EGFR: variants seen among roughly 807,000 people sequenced by gnomAD.
The protein encoded by EGFR is avian erythroblastic leukemia viral (v-erb-b) oncogene homolog.
Under a neutral mutation model 143.0 loss-of-function variants are expected in EGFR, and 58 were observed. The observed-to-expected ratio is 0.41, with a 90% CI of 0.33 to 0.50. EGFR has a LOEUF of 0.50. EGFR is among the 20% of genes least tolerant of loss of function. The pLI, the probability that EGFR is intolerant of heterozygous loss-of-function variation, is 0.39. For missense variants in EGFR, 1,307 were observed against 1,579.0 expected (o/e 0.83, Z 2.92); for synonymous variants, 613 against 594.4 (o/e 1.03, Z -0.45).
At chr7:55,022,823 C>T (rs970685938) in intron 1 of EGFR, among the ~76,000 whole-genome samples, 3 of 152,176 alleles carry the variant, frequency 2.0e-5, no homozygotes, top group Non-Finnish European at 4.4e-5. Flanking sequence ...TTGAAGACAC[C>T]GATTGCCGAA....
At chr7:55,202,843 G>C (rs1429149513) in intron 27 of EGFR, 7 of 684,866 alleles carry the variant, frequency 1.0e-5, no homozygotes, top group Admixed American at 8.4e-5. Context: ...CTGTACCTCT[G>C]TTGTAAGAAT....
At chr7:55,162,072 A>G (rs1170099077) in intron 13 of EGFR, among the ~76,000 whole-genome samples, 3 of 152,236 alleles carry the variant, frequency 2.0e-5, no homozygotes, top group African/African-American at 7.2e-5. Context: ...TGCCCCCAGC[A>G]TGTGTTGAAC....
At chr7:55,051,590 T>A (rs1288218627) in intron 1 of EGFR, among the ~76,000 whole-genome samples, 2 of 152,168 alleles carry the variant, frequency 1.3e-5, no homozygotes, top group African/African-American at 2.4e-5. Context: ...CCAGACAAAT[T>A]TCTTTTCTTT....
rs1788196503 is a variant in EGFR at position 55,209,814 on chromosome 7, ACT to A, written c.*4199_*4200del. 1 of 152,108 alleles carries A rather than the reference ACT, an allele frequency of 6.6e-6. No homozygotes were observed. The highest frequency in any genetic ancestry group is 1.5e-5 in the Non-Finnish European group (1 of 68,020). 9.4% of individuals were successfully genotyped at this position (152,108 alleles called of 1,614,324 possible). A position where few individuals can be genotyped will look rare whatever the true frequency, so the allele number is the denominator to read the frequency against. On this transcript the variant is annotated 3_prime_UTR_variant, in exon 28 of 28. Transcript: ENST00000275493. ...AACTTTGTACAATATATTTTTAGAA[ACT>A]CATTTTTCTACTAAAACAAACACAG...
At chr7:55,122,002 A>T (rs1180213157) in intron 1 of EGFR, among the ~76,000 whole-genome samples, 1 of 152,210 alleles carries the variant, frequency 6.6e-6, no homozygotes, top group Non-Finnish European at 1.5e-5. Context: ...CTATCCAAAA[A>T]GACTTGGAGG....
intron 1 of EGFR, among the ~76,000 whole-genome samples, chr7:55,135,327 G>A (rs559109971): frequency 2.3e-4 from 35 of 151,796 alleles, no homozygotes; most frequent in Non-Finnish European, 4.0e-4. Context: ...TGGGCATGCC[G>A]CAGCTTGGCA....
At chr7:55,074,070 A>G (rs1282455240) in intron 1 of EGFR, among the ~76,000 whole-genome samples, 1 of 152,224 alleles carries the variant, frequency 6.6e-6, no homozygotes, top group African/African-American at 2.4e-5. Flanking sequence ...GGCGGTCTCA[A>G]CGGCTCATTC....
chr7:55,142,246 T>A, intron 1 of EGFR, 40 bp from the exon 2 acceptor site: 1 of 1,613,530 alleles, frequency 6.2e-7, no homozygotes, highest in Non-Finnish European at 8.5e-7. Flanking sequence ...TTTTTCTGCA[T>A]TTCTCAGTAT....
At chr7:55,089,852 A>T (rs1160461429) in intron 1 of EGFR, among the ~76,000 whole-genome samples, 1 of 152,214 alleles carries the variant, frequency 6.6e-6, no homozygotes, top group Non-Finnish European at 1.5e-5. Context: ...CTAACCAGCT[A>T]TGCAGGATGC....
intron 1 of EGFR, among the ~76,000 whole-genome samples, chr7:55,034,061 G>A (rs1300046831): frequency 2.0e-5 from 3 of 152,100 alleles, no homozygotes; most frequent in Non-Finnish European, 4.4e-5. Context: ...CACTTTCCAA[G>A]GGTCCAGCTG....
chr7:55,113,206 C>T (rs1792620951), intron 1 of EGFR, among the ~76,000 whole-genome samples: 1 of 152,202 alleles, frequency 6.6e-6, no homozygotes, highest in Non-Finnish European at 1.5e-5. Flanking sequence ...TGAATGAAAA[C>T]AACTCCCTTC....
At chr7:55,191,593 G>T in intron 20 of EGFR, 126 bp from the exon 21 acceptor site, 2 of 1,260,672 alleles carry the variant, frequency 1.6e-6, no homozygotes, top group Non-Finnish European at 2.3e-6. Context: ...AGTCACTAAC[G>T]TTCGCCAGCC....
chr7:55,131,939 G>GAA (rs1272464184), intron 1 of EGFR, among the ~76,000 whole-genome samples: 16 of 99,792 alleles, frequency 1.6e-4, no homozygotes, highest in Admixed American at 3.3e-4. Context: ...TTTGCTTTCA[G>GAA]AAAAAAAAAA....
intron 15 of EGFR, among the ~76,000 whole-genome samples, chr7:55,169,091 G>A (rs1456704006): frequency 6.6e-6 from 1 of 151,726 alleles, no homozygotes; most frequent in Non-Finnish European, 1.5e-5. Context: ...AACCCTGGAG[G>A]AATAGCTATT....
At chr7:55,133,166 C>T (rs1793951220) in intron 1 of EGFR, among the ~76,000 whole-genome samples, 1 of 152,216 alleles carries the variant, frequency 6.6e-6, no homozygotes, top group Non-Finnish European at 1.5e-5. Context: ...CCCGGCAGCC[C>T]TGCCTGTCTT....
intron 22 of EGFR, among the ~76,000 whole-genome samples, chr7:55,194,860 A>G (rs1787553508): frequency 6.6e-6 from 1 of 152,210 alleles, no homozygotes; most frequent in Non-Finnish European, 1.5e-5. Flanking sequence ...CACTGGAACT[A>G]CCAGACCATG....
At chr7:55,070,134 C>T (rs1448335792) in intron 1 of EGFR, among the ~76,000 whole-genome samples, 1 of 152,192 alleles carries the variant, frequency 6.6e-6, no homozygotes, top group East Asian at 1.9e-4. Flanking sequence ...TATGCTGTAT[C>T]CCACCTTTCT....
At chr7:55,132,124 T>C (rs545755491) in intron 1 of EGFR, among the ~76,000 whole-genome samples, 1 of 152,120 alleles carries the variant, frequency 6.6e-6, no homozygotes, top group Admixed American at 6.5e-5. Flanking sequence ...TGGCTTTAAA[T>C]CGCAATTCTG....
Position 55,124,617 on chromosome 7 carries a change from A to G in EGFR, c.89-17669A>G, listed in dbSNP as rs140858322. Among the ~76,000 whole-genome samples, 78 of 152,298 alleles carry G rather than the reference A, an allele frequency of 5.1e-4. 1 individual carries two copies. Among genetic ancestry groups the G allele is most frequent in the African/African-American group, 1.8e-3 (75 of 41,574 alleles). On this transcript the variant is annotated intron_variant, in intron 1 of 27. Coordinates refer to ENST00000275493, the MANE Select transcript of EGFR (RefSeq NM_005228.5). ...GGATGGATCCCTCGGGGGCAATTCAACTGGCTGATTCCAGCCAAGATGACA... is the reference window on the plus strand; with the variant it reads ...GGATGGATCCCTCGGGGGCAATTCAGCTGGCTGATTCCAGCCAAGATGACA...
Sources: gnomAD v4.1 joint callset for allele counts (sites outside exome capture counted in the v4.1 genomes callset) on GRCh38, gnomAD v4.1.1 for gene constraint, MANE v1.5 for transcripts, NCBI Gene and HGNC (gene_info 2026-07-23, HGNC 2026-07-21) for gene names.